ASCC3: variants seen among roughly 807,000 people sequenced by gnomAD.
The protein encoded by ASCC3 is activating signal cointegrator 1 complex subunit 3, also known as ASC-1 complex subunit P200.
In ASCC3, 158 loss-of-function variants were observed where a neutral mutation model predicts 256.3. The ratio of observed to expected loss-of-function variants is 0.62; its 90% CI spans 0.54 to 0.70. ASCC3 has a LOEUF of 0.70. Among genes scored for constraint, ASCC3 ranks in the 30% least tolerant of loss-of-function variants. The pLI, the probability that ASCC3 is intolerant of heterozygous loss-of-function variation, is 0.00. For synonymous variants in ASCC3, 948 were observed against 883.4 expected, an observed-to-expected ratio of 1.07 and a Z score of -1.30; for missense variants, 2,259 against 2,626.0, an observed-to-expected ratio of 0.86 and a Z score of 3.05.
intron 16 of ASCC3, among the ~76,000 whole-genome samples, chr6:100,657,070 G>T (rs1043706654): frequency 1.3e-5 from 2 of 150,900 alleles, no homozygotes; most frequent in Non-Finnish European, 3.0e-5. Context: ...TATGTGGATG[G>T]TTAATTGTCT....
At chr6:100,648,630 G>C (rs1207947806) in intron 20 of ASCC3, among the ~76,000 whole-genome samples, 1 of 151,936 alleles carries the variant, frequency 6.6e-6, no homozygotes, top group Non-Finnish European at 1.5e-5. Context: ...AAAAATGACT[G>C]AATGGGTCTT....
At chr6:100,582,383 T>C (rs1771337648) in intron 36 of ASCC3, among the ~76,000 whole-genome samples, 1 of 151,712 alleles carries the variant, frequency 6.6e-6, no homozygotes, top group Non-Finnish European at 1.5e-5. Context: ...TTTGGCTCTC[T>C]GTTTGTCTGT....
chr6:100,798,794 A>G lies in ASCC3; in HGVS notation c.1314T>C (p.Tyr438=). The stretch of plus-strand genomic sequence containing the variant: ...CGCTGTAGGGAATCCTTACTTCTTC[A>G]TAAAGCTTGTTATTCTCTCTTTGGA... ...EGIQRENNKL[Y]EEVRIPYSEP... Residue 438 remains tyrosine (Y), a synonymous_variant, in exon 8 of 42, where the codon TAT becomes TAC. Transcript: ENST00000369162. The G allele has an allele frequency of 6.2e-7, 1 of 1,613,026 alleles. No homozygotes were observed. Among genetic ancestry groups the G allele is most frequent in the Non-Finnish European group, 8.5e-7 (1 of 1,179,510 alleles).
chr6:100,790,387 A>G (rs1242419606), intron 8 of ASCC3, among the ~76,000 whole-genome samples: 3 of 151,976 alleles, frequency 2.0e-5, no homozygotes, highest in Non-Finnish European at 4.4e-5. Flanking sequence ...TGTATCCACC[A>G]TAACTCCTAG....
chr6:100,613,488 T>C (rs1044053907), intron 30 of ASCC3, among the ~76,000 whole-genome samples: 1 of 152,114 alleles, frequency 6.6e-6, no homozygotes, highest in Admixed American at 6.5e-5. Flanking sequence ...TTTCATTCTT[T>C]TTTATGGCTG....
At chr6:100,719,520 G>A (rs930779431) in intron 11 of ASCC3, among the ~76,000 whole-genome samples, 25 of 151,836 alleles carry the variant, frequency 1.6e-4, no homozygotes, top group African/African-American at 6.0e-4. Flanking sequence ...ACAATACTCT[G>A]GCAAACACCA....
intron 36 of ASCC3, among the ~76,000 whole-genome samples, chr6:100,565,798 C>T (rs529999333): frequency 6.6e-6 from 1 of 152,262 alleles, no homozygotes; most frequent in Admixed American, 6.5e-5. Flanking sequence ...CTATAGCAAC[C>T]ACTTTATATC....
At chr6:100,596,346 ATAT>A (rs908797828) in intron 34 of ASCC3, among the ~76,000 whole-genome samples, 7 of 152,168 alleles carry the variant, frequency 4.6e-5, no homozygotes, top group African/African-American at 1.4e-4. Flanking sequence ...AAATTCAAGG[ATAT>A]TATTATTTAA....
chr6:100,548,751 A>G (rs79978860), intron 36 of ASCC3, among the ~76,000 whole-genome samples: 2,332 of 152,016 alleles, frequency 0.015, 24 homozygotes, highest in East Asian at 0.044. Flanking sequence ...ATGAGCAGAT[A>G]TTAACTAGGT....
chr6:100,608,074 ATATATGTATATATATC>A (rs1562160805), intron 30 of ASCC3, among the ~76,000 whole-genome samples: 2 of 102,626 alleles, frequency 1.9e-5, no homozygotes, highest in African/African-American at 7.9e-5. Flanking sequence ...ATATATACAT[ATATATGTATATATATC>A]TATATACACA....
At chr6:100,610,134 A>G (rs1369226595) in intron 30 of ASCC3, among the ~76,000 whole-genome samples, 1 of 152,184 alleles carries the variant, frequency 6.6e-6, no homozygotes, top group Non-Finnish European at 1.5e-5. Context: ...AACAGGGGAG[A>G]AGTAACTTGG....
chr6:100,724,383 C>A, intron 11 of ASCC3, among the ~76,000 whole-genome samples: 1 of 151,496 alleles, frequency 6.6e-6, no homozygotes, highest in East Asian at 1.9e-4. Flanking sequence ...GTGGTTTAGT[C>A]AAAAGGGAAA....
chr6:100,833,734 A>G (rs1213841364), intron 4 of ASCC3, among the ~76,000 whole-genome samples: 3 of 152,218 alleles, frequency 2.0e-5, no homozygotes, highest in Non-Finnish European at 4.4e-5. Flanking sequence ...GTAAAACTGA[A>G]GGATGTGTCA....
At chr6:100,647,178 T>A (rs1397973117) in intron 21 of ASCC3, 48 bp downstream of exon 21, 5 of 1,500,640 alleles carry the variant, frequency 3.3e-6, no homozygotes, top group Non-Finnish European at 4.6e-6. Flanking sequence ...AGCAACATAT[T>A]TTATTTGCAC....
At chr6:100,859,626 T>C (rs1773127666) in intron 3 of ASCC3, among the ~76,000 whole-genome samples, 2 of 152,034 alleles carry the variant, frequency 1.3e-5, no homozygotes, top group African/African-American at 4.8e-5. Flanking sequence ...AAAATCTTAC[T>C]TCCTTGATAA....
At chr6:100,608,212 TTATATA>T (rs371911070) in intron 30 of ASCC3, among the ~76,000 whole-genome samples, 1 of 55,980 alleles carries the variant, frequency 1.8e-5, no homozygotes, top group African/African-American at 8.6e-5. Flanking sequence ...TATATATACT[TTATATA>T]TATACTTTAT....
rs778178771 is a variant in ASCC3, at chr6:100,707,559, TAATC to T, written c.2151+7899_2151+7902del. Among the ~76,000 whole-genome samples the T allele has an allele frequency of 1.1e-4, 16 of 152,268 alleles. No homozygotes were observed. In the East Asian group the frequency reaches 2.7e-3, roughly 26 times the overall value. On this transcript the variant is annotated intron_variant, in intron 13 of 41. Coordinates refer to ENST00000369162, the MANE Select transcript of ASCC3 (RefSeq NM_006828.4). ...TTTCTTTATTCAGTCTCTTTTGTAT[TAATC>T]TATTTATTTATTTGTTTGAGTACAT...
intron 13 of ASCC3, among the ~76,000 whole-genome samples, chr6:100,711,672 G>A (rs1303513309): frequency 6.6e-6 from 1 of 152,238 alleles, no homozygotes; most frequent in African/African-American, 2.4e-5. Flanking sequence ...GGAGGTTGTG[G>A]TGAGCTGAGA....
chr6:100,649,384 T>C (rs1016198280), intron 20 of ASCC3, among the ~76,000 whole-genome samples: 1 of 151,738 alleles, frequency 6.6e-6, no homozygotes, highest in Non-Finnish European at 1.5e-5. Context: ...AATATTACAT[T>C]ACTTTACAGA....
Sources: allele counts gnomAD v4.1 joint callset (sites outside exome capture counted in the v4.1 genomes callset), GRCh38; gene constraint gnomAD v4.1.1; transcripts MANE v1.5; gene names NCBI Gene and HGNC (gene_info 2026-07-23, HGNC 2026-07-21).